SCARA3: variants seen among roughly 807,000 people sequenced by gnomAD.
SCARA3 encodes cellular stress response gene protein.
In SCARA3, 39 loss-of-function variants were observed where a neutral mutation model predicts 47.0. That is an observed-to-expected ratio of 0.83 (90% confidence interval 0.64 to 1.08). SCARA3 has a LOEUF of 1.08. Among genes scored for constraint, SCARA3 ranks in the 50% least tolerant of loss-of-function variants. The probability of loss-of-function intolerance (pLI) is 0.00; values close to 1 mark genes in which losing one functional copy is unlikely to be tolerated. For missense variants in SCARA3, 724 were observed against 792.3 expected (o/e 0.91, Z 1.04); for synonymous variants, 356 against 334.1 (o/e 1.07, Z -0.71).
At chr8:27,649,845 G>C in intron 2 of SCARA3, 45 bp downstream of exon 2, 1 of 1,504,846 alleles carries the variant, frequency 6.6e-7, no homozygotes. Context: ...TGGGCTGAGA[G>C]ATCCCTGTCT....
At chr8:27,720,657 CATCCAGCT>C in the SCARA3 span, among the ~76,000 whole-genome samples, 1 of 151,624 alleles carries the variant, frequency 6.6e-6, no homozygotes, top group Admixed American at 6.6e-5. Context: ...TCCATCCATC[CATCCAGCT>C]ATCCATCCAT....
intron 1 of SCARA3, among the ~76,000 whole-genome samples, chr8:27,634,809 G>T (rs1319143199): frequency 6.6e-6 from 1 of 152,226 alleles, no homozygotes; most frequent in African/African-American, 2.4e-5. Flanking sequence ...AGGGTGGTGA[G>T]CCAGCAGCAG....
At chr8:27,689,072 GAA>G in the SCARA3 span, among the ~76,000 whole-genome samples, 1 of 152,136 alleles carries the variant, frequency 6.6e-6, no homozygotes, top group Non-Finnish European at 1.5e-5. Context: ...GAAACATCCT[GAA>G]AATGTTAGTG....
intron 5 of SCARA3, among the ~76,000 whole-genome samples, chr8:27,665,661 A>C (rs1416716719): frequency 6.6e-6 from 1 of 152,190 alleles, no homozygotes; most frequent in Non-Finnish European, 1.5e-5. Context: ...AAGAGCCATC[A>C]CACCCAGCCA....
At chr8:27,660,219 G>C (rs200856479) in intron 5 of SCARA3, among the ~76,000 whole-genome samples, 1 of 145,482 alleles carries the variant, frequency 6.9e-6, no homozygotes, top group Non-Finnish European at 1.5e-5. Flanking sequence ...GAGAGAGAGA[G>C]AGACAGAGAG....
chr8:27,662,532 G>A (rs145075139), intron 5 of SCARA3, among the ~76,000 whole-genome samples: 5 of 152,334 alleles, frequency 3.3e-5, no homozygotes, highest in African/African-American at 4.8e-5. Context: ...GTGAGTCTAC[G>A]GAGGGTAGTT....
chr8:27,694,129 T>C, the SCARA3 span, among the ~76,000 whole-genome samples: 2 of 152,214 alleles, frequency 1.3e-5, no homozygotes, highest in Non-Finnish European at 2.9e-5. Flanking sequence ...GCTCTGTTGC[T>C]TACCAGCTGT....
the SCARA3 span, among the ~76,000 whole-genome samples, chr8:27,730,498 T>TG: frequency 1.3e-5 from 2 of 150,548 alleles, no homozygotes; most frequent in Admixed American, 6.6e-5. Context: ...ATTTTTTTTT[T>TG]TTTTTTTAAT....
the SCARA3 span, among the ~76,000 whole-genome samples, chr8:27,720,721 C>A: frequency 5.1e-3 from 776 of 152,038 alleles, 2 homozygotes; most frequent in Non-Finnish European, 8.3e-3. Flanking sequence ...TCCATCCATC[C>A]ATTCACCTAT....
chr8:27,700,563 C>T, the SCARA3 span, among the ~76,000 whole-genome samples: 1 of 151,146 alleles, frequency 6.6e-6, no homozygotes, highest in Non-Finnish European at 1.5e-5. Flanking sequence ...GCTGAGATCA[C>T]ACCACTGCAC....
At chr8:27,700,426 G>A in the SCARA3 span, among the ~76,000 whole-genome samples, 1 of 152,084 alleles carries the variant, frequency 6.6e-6, no homozygotes, top group Admixed American at 6.5e-5. Context: ...GGCCAACATG[G>A]TGAAACCCTG....
the SCARA3 span, chr8:27,697,182 T>C: frequency 4.7e-6 from 1 of 210,558 alleles, no homozygotes; most frequent in Admixed American, 4.3e-5. Context: ...GGCAGTTCAC[T>C]TCCCAGAGCA....
rs35456560 is a variant in SCARA3 at position 27,655,891 on chromosome 8, A to G, written c.227-891A>G. ...TACTGATAAAGCAGCATCAAAGAAA[A>G]CAGATGAGATGTTCAGAACATCCCA... On this transcript the variant is annotated intron_variant, in intron 3 of 5. Transcript: ENST00000301904. 7.1e-3 allele frequency among the ~76,000 whole-genome samples: 1,084 copies of G among 152,322 alleles called. 17 individuals are homozygous for G. The highest frequency in any genetic ancestry group is 0.024 in the African/African-American group (1,011 of 41,570).
chr8:27,726,603 G>A, the SCARA3 span, among the ~76,000 whole-genome samples: 1 of 152,102 alleles, frequency 6.6e-6, no homozygotes, highest in South Asian at 2.1e-4. Flanking sequence ...GGGAGACTGA[G>A]GCAGGAGAAT....
At chr8:27,658,455 G>C in intron 4 of SCARA3, 41 bp from the exon 5 acceptor site, 1 of 1,517,144 alleles carries the variant, frequency 6.6e-7, no homozygotes, top group Non-Finnish European at 8.9e-7. Flanking sequence ...GTCGTACCCT[G>C]GCCCTTCAGC....
At chr8:27,682,363 G>C in the SCARA3 span, among the ~76,000 whole-genome samples, 31 of 152,160 alleles carry the variant, frequency 2.0e-4, no homozygotes, top group African/African-American at 7.5e-4. Flanking sequence ...GAATGACAAA[G>C]TTTTCTTAGC....
chr8:27,684,664 C>CAA, the SCARA3 span, among the ~76,000 whole-genome samples: 394 of 141,562 alleles, frequency 2.8e-3, 4 homozygotes, highest in South Asian at 9.2e-3. Context: ...AAGGCTGTGT[C>CAA]AAAAAAAAAA....
intron 2 of SCARA3, among the ~76,000 whole-genome samples, chr8:27,651,230 C>A (rs898569464): frequency 6.6e-6 from 1 of 152,218 alleles, no homozygotes; most frequent in East Asian, 1.9e-4. Flanking sequence ...AGAGGTGTTT[C>A]CCCTCCCCAT....
At chr8:27,697,240 T>G in the SCARA3 span, 1 of 220,216 alleles carries the variant, frequency 4.5e-6, no homozygotes, top group South Asian at 7.9e-5. Flanking sequence ...CTGCAGCTGC[T>G]TAGTGAGAGC....
Sources: gnomAD v4.1 joint callset for allele counts (sites outside exome capture counted in the v4.1 genomes callset) on GRCh38, gnomAD v4.1.1 for gene constraint, MANE v1.5 for transcripts, NCBI Gene and HGNC (gene_info 2026-07-23, HGNC 2026-07-21) for gene names.